The following KRT72 variants were observed in gnomAD, a reference collection of about 807,000 sequenced individuals.
KRT72 encodes the protein keratin 72.
A neutral mutation model predicts 44.7 loss-of-function variants in KRT72; 44 were observed. That is an observed-to-expected ratio of 0.98 (90% confidence interval 0.77 to 1.27). The LOEUF (loss-of-function observed/expected upper bound fraction) is 1.27. Among genes scored for constraint, KRT72 ranks in the 50% most tolerant of loss-of-function variants. KRT72 has a pLI of 0.00. For missense variants in KRT72, 736 were observed against 667.1 expected (o/e 1.10, Z -1.14); for synonymous variants, 302 against 280.4 (o/e 1.08, Z -0.77).
Position 52,600,858 on chromosome 12 carries a change from C to G in KRT72, c.426+169G>C, listed in dbSNP as rs184288277. 2.0e-4 allele frequency among the ~76,000 whole-genome samples: 31 copies of G among 152,294 alleles called. No homozygotes were observed. The East Asian group carries it at 4.1e-3, about 20-fold the overall frequency. ...CGTAAACATCCCAATTAAGCCTCAT[C>G]GCAACCCACTGGAGTAAGACCCATT... On this transcript the variant is annotated intron_variant, in intron 1 of 8. Transcript: ENST00000293745.
intron 8 of KRT72, among the ~76,000 whole-genome samples, 180 bp from the exon 9 acceptor site, chr12:52,586,352 C>G (rs1939745469): frequency 6.6e-6 from 1 of 152,238 alleles, no homozygotes; most frequent in Non-Finnish European, 1.5e-5. Flanking sequence ...GATCATACAG[C>G]TTCAGTTTTC....
Position 52,592,484 on chromosome 12 carries a change from T to A in KRT72, c.710A>T (p.Asp237Val), listed in dbSNP as rs760291117. The change falls in exon 4 of 9, where the codon GAT becomes GTT. Residue 237 changes from aspartate to valine, a missense_variant. By Grantham distance (152) the Asp-to-Val change is radical. Coordinates refer to ENST00000293745, the MANE Select transcript of KRT72 (RefSeq NM_080747.3). ...CTCAACCTTATTCATGTAAGCAGCA[T>A]CCACGTCCTGGGAGCACATGATAGT... ...NEFVVLKKDV[D>V]AAYMNKVELQ... 2.4e-5 allele frequency: 38 copies of A among 1,613,826 alleles called. No individual in the cohort carries two copies. In the South Asian group the frequency reaches 3.6e-4, roughly 15 times the overall value.
intron 2 of KRT72, among the ~76,000 whole-genome samples, chr12:52,594,378 G>A (rs2120776235): frequency 6.6e-6 from 1 of 151,510 alleles, no homozygotes; most frequent in East Asian, 1.9e-4. Flanking sequence ...ATCAGTGATA[G>A]ACTGGATTAA....
At chr12:52,594,398 G>T (rs1218338965) in intron 2 of KRT72, among the ~76,000 whole-genome samples, 2 of 151,364 alleles carry the variant, frequency 1.3e-5, no homozygotes, top group African/African-American at 2.4e-5. Context: ...AGAAAATGCG[G>T]CACATCTACA....
At chr12:52,595,132 T>A (rs76581402) in intron 2 of KRT72, among the ~76,000 whole-genome samples, 1 of 152,292 alleles carries the variant, frequency 6.6e-6, no homozygotes, top group African/African-American at 2.4e-5. Context: ...AAGTGGGCTA[T>A]CAAAATCAAT....
intron 2 of KRT72, among the ~76,000 whole-genome samples, chr12:52,596,244 T>C (rs1940221890): frequency 6.6e-6 from 1 of 152,130 alleles, no homozygotes; most frequent in Non-Finnish European, 1.5e-5. Flanking sequence ...GCAAAACTCC[T>C]TCCATTAAAA....
rs552852610 is a variant in KRT72, at chr12:52,591,587, G to C, written c.840C>G (p.Ile280Met). 6.2e-7 allele frequency: 1 copy of C among 1,613,884 alleles called. No homozygotes were observed. Among genetic ancestry groups the C allele is most frequent in the South Asian group, 1.1e-5 (1 of 91,046 alleles). The change falls in exon 5 of 9, where the codon ATC (isoleucine) becomes ATG (methionine). Residue 280 changes from isoleucine to methionine, a missense_variant. By Grantham distance (10) the Ile-to-Met change is conservative. Transcript: ENST00000293745. ...CCCGGTTGTTGTCCATTGACAGGACGATGGACGTGTCGCTGATGTGGGACT... is the reference window on the plus strand; with the variant it reads ...CCCGGTTGTTGTCCATTGACAGGACCATGGACGTGTCGCTGATGTGGGACT... ...QIQSHISDTS[I>M]VLSMDNNRDL...
At chr12:52,591,683 T>A in intron 4 of KRT72, 55 bp from the exon 5 acceptor site, 1 of 1,521,960 alleles carries the variant, frequency 6.6e-7, no homozygotes, top group Non-Finnish European at 9.0e-7. Context: ...AGGAACCAGT[T>A]CTCTTGGTCC....
intron 6 of KRT72, among the ~76,000 whole-genome samples, chr12:52,590,378 T>C (rs750497806): frequency 6.6e-6 from 1 of 152,162 alleles, no homozygotes; most frequent in African/African-American, 2.4e-5. Flanking sequence ...ATGGGAAACC[T>C]TCAAATGGCT....
rs187491981 is a variant in KRT72 at position 52,600,431 on chromosome 12, G to C, written c.426+596C>G. 3.4e-4 allele frequency among the ~76,000 whole-genome samples: 52 copies of C among 152,254 alleles called. 1 individual carries two copies. The highest frequency in any genetic ancestry group is 1.2e-3 in the African/African-American group (49 of 41,536). ...ATGCAAGAAAGAAATGAAGGTCCTT[G>C]ATACGTTTTGGCTGTGTCCCCACCC... On this transcript the variant is annotated intron_variant, in intron 1 of 8. Transcript: ENST00000293745.
Position 52,598,917 on chromosome 12 carries a change from C to T in KRT72, c.622G>A (p.Val208Met). 1 of 1,614,176 alleles carries T rather than the reference C, an allele frequency of 6.2e-7. No individual in the cohort carries two copies. Among genetic ancestry groups the T allele is most frequent in the Non-Finnish European group, 8.5e-7 (1 of 1,180,018 alleles). Reference sequence around the variant, plus strand: ...ACTCACCTCTTCTTGTAGTCCTCCACCAAATCCTGCATGTTCCTCAGCTCC... The same window carrying T: ...ACTCACCTCTTCTTGTAGTCCTCCATCAAATCCTGCATGTTCCTCAGCTCC... ...DSELRNMQDL[V>M]EDYKKRYEVE... The change falls in exon 2 of 9, where the codon GTG becomes ATG. Residue 208 changes from valine to methionine, a missense_variant. Transcript: ENST00000293745.
At position 52,591,748 on chromosome 12, in the gene KRT72, C is replaced by G. The variant is rs192300174; in HGVS notation, c.799-120G>C. On this transcript the variant is annotated intron_variant, in intron 4 of 8. Transcript: ENST00000293745. The stretch of plus-strand genomic sequence containing the variant: ...GCCTTTCCTCAGCGTTTGAACTCTG[C>G]CTCAGCACCAGTGCCTGGCAGGCAC... 2.9e-4 allele frequency: 283 copies of G among 985,330 alleles called. No individual in the cohort carries two copies. In the African/African-American group the frequency reaches 3.9e-3, roughly 14 times the overall value. The allele number at this position is 985,330 out of a possible 1,614,324, so 61.0% of individuals were successfully genotyped here.
At chr12:52,598,853 T>C in intron 2 of KRT72, 45 bp downstream of exon 2, 1 of 1,581,988 alleles carries the variant, frequency 6.3e-7, no homozygotes, top group Admixed American at 1.7e-5. Context: ...AAAACCTCAT[T>C]TGAAATCAGA....
At chr12:52,595,364 A>T (rs537762818) in intron 2 of KRT72, among the ~76,000 whole-genome samples, 1 of 152,250 alleles carries the variant, frequency 6.6e-6, no homozygotes, top group South Asian at 2.1e-4. Flanking sequence ...AGTTATATTA[A>T]ATCTAAATCA....
In KRT72 at chr12:52,601,392, C is replaced by G; in HGVS notation, c.61G>C (p.Ala21Pro). ...CTGCCGATCCCGCCAGAGAGGACCG[C>G]GGAGCAACCGCTGAAGCCCAGGCGC... ...GERLGFSGCS[A>P]VLSGGIGSSS... Residue 21 changes from alanine to proline, a missense_variant, in exon 1 of 9, where the codon GCG becomes CCG. Ala to Pro is a conservative substitution (Grantham distance 27, BLOSUM62 -1). Transcript: ENST00000293745. 1.9e-6 allele frequency: 3 copies of G among 1,541,996 alleles called. No individual in the cohort carries two copies. The highest frequency in any genetic ancestry group is 2.6e-6 in the Non-Finnish European group (3 of 1,147,058).
At chr12:52,590,150 GGT>G (rs1939941653) in intron 6 of KRT72, among the ~76,000 whole-genome samples, 1 of 152,108 alleles carries the variant, frequency 6.6e-6, no homozygotes, top group Non-Finnish European at 1.5e-5. Context: ...AGGACTCATG[GGT>G]TTGCTTGCTT....
At position 52,599,008 on chromosome 12, in the gene KRT72, CT is replaced by C; in HGVS notation, c.530del (p.Glu177GlyfsTer19). On this transcript the variant is annotated frameshift_variant, in exon 2 of 9. Transcript: ENST00000293745. LOFTEE classifies it high-confidence loss of function. ...NCRKNLEPIY[E>X]GYISNLQKQL... ...GCTTCTGCAGGTTGCTGATGTAGCC[CT>C]CATAAATGGGCTCCAGGTTCTTCCT... 3 of 1,614,030 alleles carry C rather than the reference CT, an allele frequency of 1.9e-6. No homozygotes were observed. Among genetic ancestry groups the C allele is most frequent in the Non-Finnish European group, 1.7e-6 (2 of 1,179,904 alleles).
At chr12:52,601,517 C>A, upstream of KRT72, 1 of 1,483,890 alleles carries the variant, frequency 6.7e-7, no homozygotes, top group Non-Finnish European at 9.0e-7. Context: ...GCTGCGTTCT[C>A]GGCCCAGCTC....
At chr12:52,599,723 C>T (rs1940348401) in intron 1 of KRT72, among the ~76,000 whole-genome samples, 1 of 152,132 alleles carries the variant, frequency 6.6e-6, no homozygotes, top group African/African-American at 2.4e-5. Context: ...CAAGAGAATG[C>T]TCTGGCCTCT....
Sources: gnomAD v4.1 joint callset for allele counts (sites outside exome capture counted in the v4.1 genomes callset) on GRCh38, gnomAD v4.1.1 for gene constraint, MANE v1.5 for transcripts, NCBI Gene and HGNC (gene_info 2026-07-23, HGNC 2026-07-21) for gene names.